Variants in TEX26 observed in about 807,000 individuals in gnomAD.
The protein encoded by TEX26 is testis expressed 26.
TEX26 carries 34 observed loss-of-function variants against 35.3 expected under a neutral mutation model. That is an observed-to-expected ratio of 0.96 (90% CI 0.73 to 1.28). The LOEUF is 1.28. TEX26 is among the 50% of genes most tolerant of loss of function. TEX26 has a pLI of 0.00. For synonymous variants in TEX26, 136 were observed against 111.8 expected (o/e 1.22, Z -1.36); for missense variants, 371 against 330.1 (o/e 1.12, Z -0.96).
At chr13:30,938,564 G>T (rs377100481) in intron 1 of TEX26, among the ~76,000 whole-genome samples, 1 of 152,114 alleles carries the variant, frequency 6.6e-6, no homozygotes, top group Admixed American at 6.5e-5. Flanking sequence ...ACCCCTCTCT[G>T]ATTACCTCAT....
intron 3 of TEX26, among the ~76,000 whole-genome samples, chr13:30,954,684 C>T (rs1485311411): frequency 6.6e-6 from 1 of 152,114 alleles, no homozygotes; most frequent in Non-Finnish European, 1.5e-5. Context: ...TCTCAAACTC[C>T]TGGGTTCAAG....
chr13:30,956,779 A>G, intron 3 of TEX26, 94 bp from the exon 4 acceptor site: 1 of 1,183,278 alleles, frequency 8.5e-7, no homozygotes, highest in East Asian at 2.4e-5. Context: ...GTTGTAAAGG[A>G]TTCTGAAGAA....
chr13:30,953,969 C>G (rs544777251), intron 3 of TEX26, among the ~76,000 whole-genome samples: 4 of 152,150 alleles, frequency 2.6e-5, no homozygotes, highest in Non-Finnish European at 5.9e-5. Context: ...TAATGTTCAA[C>G]TTCTGACTTG....
chr13:30,935,419 T>C (rs1953236710), intron 1 of TEX26, among the ~76,000 whole-genome samples: 1 of 152,218 alleles, frequency 6.6e-6, no homozygotes, highest in African/African-American at 2.4e-5. Flanking sequence ...CAGCATGCAC[T>C]TCCTTCCCTC....
At chr13:30,935,825 A>G (rs1245214959) in intron 1 of TEX26, among the ~76,000 whole-genome samples, 1 of 152,202 alleles carries the variant, frequency 6.6e-6, no homozygotes, top group Non-Finnish European at 1.5e-5. Context: ...GTGTACCTCA[A>G]TGCGGGACAA....
At chr13:30,943,980 G>A (rs929609566) in intron 2 of TEX26, among the ~76,000 whole-genome samples, 6 of 151,900 alleles carry the variant, frequency 3.9e-5, no homozygotes, top group Admixed American at 1.3e-4. Flanking sequence ...AAAATGAGTC[G>A]GAGAGGATTC....
intron 6 of TEX26, among the ~76,000 whole-genome samples, chr13:30,974,131 A>AAAAAATATATATATATATATATATAT: frequency 4.4e-4 from 37 of 84,402 alleles, no homozygotes; most frequent in Middle Eastern, 8.8e-3. Flanking sequence ...AAAAAAAAAA[A>AAAAAATATATATATATATATATATAT]ATATATATAT....
At chr13:30,973,538 A>C (rs78375202) in intron 6 of TEX26, 2 of 152,246 alleles carry the variant, frequency 1.3e-5, no homozygotes, top group African/African-American at 4.8e-5. Context: ...AACTAAAAAA[A>C]TACTGGAGAC....
chr13:30,968,736 C>A, intron 5 of TEX26, 149 bp from the exon 6 acceptor site: 1 of 674,754 alleles, frequency 1.5e-6, no homozygotes, highest in Non-Finnish European at 2.5e-6. Context: ...TTGTTTAATA[C>A]AGAGCCTTAA....
At position 30,969,233 on chromosome 13, in the gene TEX26, A is replaced by C. The variant is rs144717364; in HGVS notation, c.808+187A>C. Among the ~76,000 whole-genome samples, 272 of 151,436 alleles carry C rather than the reference A, an allele frequency of 1.8e-3. 1 individual carries two copies. Among genetic ancestry groups the C allele is most frequent in the African/African-American group, 6.4e-3 (263 of 41,310 alleles). ...ACTGAAAAGACATTTTCCTTTAAGGAGGCCCAGTGACTATATCCCCACTTA... is the reference window on the plus strand; with the variant it reads ...ACTGAAAAGACATTTTCCTTTAAGGCGGCCCAGTGACTATATCCCCACTTA... On this transcript the variant is annotated intron_variant, in intron 6 of 6. Coordinates refer to ENST00000380473, the MANE Select transcript of TEX26 (RefSeq NM_152325.3).
intron 2 of TEX26, among the ~76,000 whole-genome samples, chr13:30,943,768 T>C (rs1261545865): frequency 6.6e-6 from 1 of 152,152 alleles, no homozygotes; most frequent in African/African-American, 2.4e-5. Flanking sequence ...TATATCATAT[T>C]TGACATGCAT....
chr13:30,932,943 A>G, intron 1 of TEX26, 167 bp downstream of exon 1: 1 of 669,358 alleles, frequency 1.5e-6, no homozygotes, highest in East Asian at 2.8e-5. Flanking sequence ...CAGGGCCTTC[A>G]TGACGCTGCC....
At chr13:30,972,918 T>A (rs190388228) in intron 6 of TEX26, among the ~76,000 whole-genome samples, 41 of 152,370 alleles carry the variant, frequency 2.7e-4, no homozygotes, top group African/African-American at 9.9e-4. Context: ...ATTACAGGCA[T>A]GAGCCACTGT....
chr13:30,974,119 T>TAAAAAAAA (rs747590592), intron 6 of TEX26, among the ~76,000 whole-genome samples: 3 of 74,384 alleles, frequency 4.0e-5, no homozygotes, highest in African/African-American at 1.3e-4. Context: ...AGCCTCCATC[T>TAAAAAAAA]AAAAAAAAAA....
chr13:30,948,880 T>C (rs1953816048), intron 2 of TEX26, among the ~76,000 whole-genome samples: 1 of 152,160 alleles, frequency 6.6e-6, no homozygotes, highest in African/African-American at 2.4e-5. Flanking sequence ...TTAGGTCTAA[T>C]ATGTAAGTCT....
At chr13:30,944,481 A>T (rs997978437) in intron 2 of TEX26, among the ~76,000 whole-genome samples, 8 of 151,388 alleles carry the variant, frequency 5.3e-5, no homozygotes, top group Non-Finnish European at 1.5e-5. Flanking sequence ...TTCTTGTACT[A>T]GCTTTGGGTT....
chr13:30,956,577 G>C (rs1018357806), intron 3 of TEX26, among the ~76,000 whole-genome samples: 1 of 152,128 alleles, frequency 6.6e-6, no homozygotes, highest in African/African-American at 2.4e-5. Context: ...AATTAACATG[G>C]GTTATTTCTT....
intron 1 of TEX26, among the ~76,000 whole-genome samples, chr13:30,935,744 C>T (rs1953251324): frequency 6.6e-6 from 1 of 152,228 alleles, no homozygotes; most frequent in African/African-American, 2.4e-5. Flanking sequence ...GATGACCTGC[C>T]TACAGAGAGA....
chr13:30,936,034 C>T (rs1424211978), intron 1 of TEX26, among the ~76,000 whole-genome samples: 1 of 152,132 alleles, frequency 6.6e-6, no homozygotes, highest in African/African-American at 2.4e-5. Context: ...ATTGCGTGTG[C>T]AAAGACCCCT....
Sources: allele counts gnomAD v4.1 joint callset (sites outside exome capture counted in the v4.1 genomes callset), GRCh38; gene constraint gnomAD v4.1.1; transcripts MANE v1.5; gene names NCBI Gene and HGNC (gene_info 2026-07-23, HGNC 2026-07-21).